The following AGBL1 variants were observed in gnomAD, a reference collection of about 807,000 sequenced individuals.
AGBL1 encodes cytosolic carboxypeptidase 4.
AGBL1 carries 130 observed loss-of-function variants against 118.9 expected under a neutral mutation model. The observed-to-expected ratio is 1.09, with a 90% CI of 0.95 to 1.26. The LOEUF is 1.26. Among genes scored for constraint, AGBL1 ranks in the 50% most tolerant of loss-of-function variants. The pLI, the probability that AGBL1 is intolerant of heterozygous loss-of-function variation, is 0.00. For synonymous variants in AGBL1, 555 were observed against 478.9 expected, an observed-to-expected ratio of 1.16 and a Z score of -2.08; for missense variants, 1,584 against 1,298.1, an observed-to-expected ratio of 1.22 and a Z score of -3.38.
intron 6 of AGBL1, among the ~76,000 whole-genome samples, chr15:86,237,065 C>T (rs1045506490): frequency 3.3e-5 from 5 of 151,818 alleles, no homozygotes; most frequent in Non-Finnish European, 7.4e-5. Context: ...CATATCAAAG[C>T]TGGCCAGCCC....
At chr15:86,728,736 T>G (rs1180770009) in intron 22 of AGBL1, among the ~76,000 whole-genome samples, 1 of 152,182 alleles carries the variant, frequency 6.6e-6, no homozygotes, top group Non-Finnish European at 1.5e-5. Flanking sequence ...TCTTTTAAAA[T>G]TTTGTGTCTG....
chr15:86,744,855 T>A (rs1439712322), intron 22 of AGBL1, among the ~76,000 whole-genome samples: 4 of 152,150 alleles, frequency 2.6e-5, no homozygotes, highest in African/African-American at 9.7e-5. Context: ...GTGAATTCAG[T>A]GCTAGACCCA....
chr15:86,964,151 G>A (rs1028241131), intron 23 of AGBL1, among the ~76,000 whole-genome samples: 1 of 151,930 alleles, frequency 6.6e-6, no homozygotes, highest in Non-Finnish European at 1.5e-5. Flanking sequence ...TTCACAGCTA[G>A]TCAGTGCTGG....
intron 19 of AGBL1, among the ~76,000 whole-genome samples, chr15:86,544,906 T>G (rs1256866136): frequency 1.3e-5 from 2 of 152,210 alleles, no homozygotes; most frequent in African/African-American, 2.4e-5. Flanking sequence ...TTTTTTAGAT[T>G]TTATTATTTT....
chr15:86,146,327 A>C (rs769710882), intron 3 of AGBL1, among the ~76,000 whole-genome samples: 4 of 152,230 alleles, frequency 2.6e-5, no homozygotes, highest in Non-Finnish European at 4.4e-5. Context: ...TAGCATTTAC[A>C]TTAGATTAAG....
chr15:86,681,295 A>G (rs1247355005), intron 22 of AGBL1, among the ~76,000 whole-genome samples: 4 of 152,132 alleles, frequency 2.6e-5, no homozygotes, highest in African/African-American at 9.7e-5. Context: ...CTTTACATTT[A>G]GGTTTCATTG....
At chr15:86,083,277 C>G (rs1477633036) in intron 1 of AGBL1, 1 of 152,238 alleles carries the variant, frequency 6.6e-6, no homozygotes, top group African/African-American at 2.4e-5. Context: ...GAACTGCCAG[C>G]GTTGCAGGAT....
chr15:86,707,750 T>C (rs527255937), intron 22 of AGBL1, among the ~76,000 whole-genome samples: 157 of 152,244 alleles, frequency 1.0e-3, no homozygotes, highest in African/African-American at 3.6e-3. Context: ...ACAAAAACTG[T>C]TTCTGAAAGA....
At chr15:86,701,341 CTGGT>C (rs2086354724) in intron 22 of AGBL1, among the ~76,000 whole-genome samples, 1 of 151,928 alleles carries the variant, frequency 6.6e-6, no homozygotes, top group South Asian at 2.1e-4. Context: ...TATGGGGACT[CTGGT>C]TGTGTGTGTT....
chr15:86,206,854 C>T (rs1363116344), intron 5 of AGBL1, among the ~76,000 whole-genome samples: 2 of 152,142 alleles, frequency 1.3e-5, no homozygotes, highest in East Asian at 1.9e-4. Flanking sequence ...GTTGCCATTG[C>T]TTTTGGTGTT....
intron 22 of AGBL1, among the ~76,000 whole-genome samples, chr15:86,842,717 A>G (rs555485009): frequency 2.8e-4 from 42 of 152,192 alleles, no homozygotes; most frequent in South Asian, 1.0e-3. Context: ...GGAATAATGT[A>G]TTTTTCCTTA....
At chr15:86,687,434 C>T (rs967492683) in intron 22 of AGBL1, among the ~76,000 whole-genome samples, 6 of 152,072 alleles carry the variant, frequency 3.9e-5, no homozygotes, top group African/African-American at 1.4e-4. Context: ...TGCCCCCTAC[C>T]CAAGAACAAT....
At chr15:86,971,529 T>C (rs907182601) in intron 23 of AGBL1, among the ~76,000 whole-genome samples, 2 of 151,836 alleles carry the variant, frequency 1.3e-5, no homozygotes, top group Admixed American at 6.6e-5. Context: ...TTTAATTAAA[T>C]AGTCAAGAAC....
intron 22 of AGBL1, among the ~76,000 whole-genome samples, chr15:86,735,727 T>C (rs1041863242): frequency 1.3e-5 from 2 of 151,772 alleles, no homozygotes; most frequent in African/African-American, 4.8e-5. Context: ...TTTTGTCAAA[T>C]GAAGGTAAAT....
At chr15:86,186,704 T>A (rs2077638821) in intron 5 of AGBL1, among the ~76,000 whole-genome samples, 1 of 152,220 alleles carries the variant, frequency 6.6e-6, no homozygotes, top group Non-Finnish European at 1.5e-5. Context: ...AAGAATTTGA[T>A]CCATCGATAT....
intron 20 of AGBL1, among the ~76,000 whole-genome samples, chr15:86,547,031 A>C (rs2083593063): frequency 6.6e-6 from 1 of 152,170 alleles, no homozygotes; most frequent in Non-Finnish European, 1.5e-5. Context: ...CTGGAAATAC[A>C]TCCCCTCTTC....
chr15:86,796,806 G>A (rs1224656154), intron 22 of AGBL1, among the ~76,000 whole-genome samples: 5 of 152,178 alleles, frequency 3.3e-5, no homozygotes, highest in South Asian at 2.1e-4. Flanking sequence ...TCCACAAAGC[G>A]ATACTGTCTG....
intron 22 of AGBL1, among the ~76,000 whole-genome samples, chr15:86,852,683 C>T (rs2079424436): frequency 6.6e-6 from 1 of 152,100 alleles, no homozygotes; most frequent in Non-Finnish European, 1.5e-5. Context: ...GGCTGGTTAC[C>T]CCAGGTCAAC....
At chr15:86,403,222 G>A (rs1268456169) in intron 18 of AGBL1, among the ~76,000 whole-genome samples, 5 of 152,094 alleles carry the variant, frequency 3.3e-5, no homozygotes, top group Non-Finnish European at 5.9e-5. Context: ...TTGGGTGGTA[G>A]TAACAAAATA....
Sources: gnomAD v4.1 joint callset for allele counts (sites outside exome capture counted in the v4.1 genomes callset) on GRCh38, gnomAD v4.1.1 for gene constraint, MANE v1.5 for transcripts, NCBI Gene and HGNC (gene_info 2026-07-23, HGNC 2026-07-21) for gene names.